The following PTPRK variants were observed in gnomAD, a reference collection of about 807,000 sequenced individuals.
The protein encoded by PTPRK is receptor-type tyrosine-protein phosphatase kappa.
PTPRK carries 75 observed loss-of-function variants against 178.0 expected under a neutral mutation model. The observed-to-expected ratio is 0.42, with a 90% CI of 0.35 to 0.51. PTPRK has a LOEUF of 0.51. PTPRK is among the 20% of genes least tolerant of loss of function. PTPRK has a pLI of 0.02. For missense variants in PTPRK, 1,441 were observed against 1,797.8 expected (o/e 0.80, Z 3.59); for synonymous variants, 637 against 620.6 (o/e 1.03, Z -0.39).
At chr6:128,003,070 A>T in intron 15 of PTPRK, 1 of 857,754 alleles carries the variant, frequency 1.2e-6, no homozygotes, top group Non-Finnish European at 1.9e-6. Context: ...TCTCTTTGAT[A>T]ATACCATGGC....
chr6:128,301,409 G>T (rs979245126), intron 3 of PTPRK, among the ~76,000 whole-genome samples: 58 of 151,794 alleles, frequency 3.8e-4, no homozygotes, highest in African/African-American at 1.4e-3. Flanking sequence ...GTATCACATT[G>T]GTGTGTTGGT....
intron 1 of PTPRK, among the ~76,000 whole-genome samples, chr6:128,440,914 G>T (rs1318542439): frequency 2.0e-5 from 3 of 151,802 alleles, no homozygotes; most frequent in East Asian, 1.9e-4. Flanking sequence ...TAGACATTTT[G>T]AATAAATTCC....
rs756107429 is a variant in PTPRK, at chr6:127,995,507, T to C, written c.2799A>G (p.Val933=). ...TATAATCTGAGGAAGGATCATCCTCTACGGGTTGCAAAATCACTCTGGAGT... is the reference window on the plus strand; with the variant it reads ...TATAATCTGAGGAAGGATCATCCTCCACGGGTTGCAAAATCACTCTGGAGT... ...YDHSRVILQP[V]EDDPSSDYIN... Residue 933 remains valine, a synonymous_variant, in exon 18 of 30, where the codon GTA becomes GTG. Transcript: ENST00000368226. The C allele has an allele frequency of 6.3e-7, 1 of 1,598,724 alleles. No homozygotes were observed. The highest frequency in any genetic ancestry group is 8.5e-7 in the Non-Finnish European group (1 of 1,171,088).
At chr6:128,333,704 T>C (rs1164069499) in intron 2 of PTPRK, among the ~76,000 whole-genome samples, 1 of 152,160 alleles carries the variant, frequency 6.6e-6, no homozygotes, top group African/African-American at 2.4e-5. Context: ...TAAAACTTTC[T>C]CCCTGTCAGC....
chr6:128,100,954 A>G (rs1232063646), intron 7 of PTPRK, among the ~76,000 whole-genome samples: 1 of 152,022 alleles, frequency 6.6e-6, no homozygotes, highest in African/African-American at 2.4e-5. Context: ...AAAATCTACT[A>G]CTATTTTCAA....
chr6:128,299,121 T>C (rs893486466), intron 3 of PTPRK, among the ~76,000 whole-genome samples: 62 of 152,226 alleles, frequency 4.1e-4, no homozygotes, highest in East Asian at 7.7e-4. Context: ...CCAATCACAA[T>C]TGCTTCAAAG....
intron 2 of PTPRK, among the ~76,000 whole-genome samples, chr6:128,338,922 G>A (rs1831305518): frequency 6.6e-6 from 1 of 152,116 alleles, no homozygotes; most frequent in Non-Finnish European, 1.5e-5. Context: ...TAATTTTGTT[G>A]AGACATCCCA....
chr6:128,369,985 T>C (rs1441510099), intron 2 of PTPRK, among the ~76,000 whole-genome samples: 8 of 152,042 alleles, frequency 5.3e-5, no homozygotes, highest in Admixed American at 5.2e-4. Flanking sequence ...TAAATAAACA[T>C]TTGTTAATTT....
In PTPRK at chr6:128,110,780, T is replaced by C. The variant is rs569484755; in HGVS notation, c.1163-20788A>G. ...ATTGAGTGAAAAAATGAGGAATGAA[T>C]GCAAGACTGCCTTGCCAAACTGAAG... On this transcript the variant is annotated intron_variant, in intron 7 of 29. Transcript: ENST00000368226. Among the ~76,000 whole-genome samples the C allele has an allele frequency of 1.4e-3, 217 of 152,254 alleles. 2 individuals are homozygous for C. Among genetic ancestry groups the C allele is most frequent in the African/African-American group, 4.7e-3 (197 of 41,552 alleles).
At position 128,082,517 on chromosome 6, in the gene PTPRK, G is replaced by A. The variant is rs201423083; in HGVS notation, c.1697C>T (p.Thr566Met). ...HVFMHLHPGTTYQFFIRASTV... is the reference protein window; with the variant it reads ...HVFMHLHPGTMYQFFIRASTV... Reference sequence around the variant, plus strand: ...GCTGGCTCTTATGAAAAACTGGTACGTGGTTCCAGGGTGGAGATGCATAAA... The same window carrying A: ...GCTGGCTCTTATGAAAAACTGGTACATGGTTCCAGGGTGGAGATGCATAAA... Residue 566 changes from threonine (T) to methionine (M), a missense_variant, in exon 10 of 30, where the codon ACG becomes ATG. Coordinates refer to ENST00000368226, the MANE Select transcript of PTPRK (RefSeq NM_002844.4). The A allele has an allele frequency of 3.2e-5, 52 of 1,613,234 alleles. No individual in the cohort carries two copies. Among genetic ancestry groups the A allele is most frequent in the Non-Finnish European group, 3.4e-5 (40 of 1,179,346 alleles).
Position 127,970,278 on chromosome 6 carries a change from C to T in PTPRK, c.4272G>A (p.Glu1424=). The change falls in exon 30 of 30, where the codon GAG becomes GAA. Residue 1424 remains glutamate (E), a splice_region_variant and synonymous_variant. Coordinates refer to ENST00000368226, the MANE Select transcript of PTPRK (RefSeq NM_002844.4). ...CTACATCATAGCAGAAACGGTATTG[C>T]TCCTGAAAGATGTCAAAACACAAAG... ...NSKPNMVEAP[E]QYRFCYDVAL... is the part of the protein sequence containing the mutation. 1.2e-6 allele frequency: 2 copies of T among 1,609,880 alleles called. No individual in the cohort carries two copies. The highest frequency in any genetic ancestry group is 1.7e-6 in the Non-Finnish European group (2 of 1,177,536).
intron 3 of PTPRK, among the ~76,000 whole-genome samples, chr6:128,300,051 A>T (rs1825293858): frequency 1.3e-5 from 2 of 152,306 alleles, no homozygotes; most frequent in South Asian, 4.1e-4. Context: ...CCCCAACAAA[A>T]AGTGGGCAAA....
intron 12 of PTPRK, among the ~76,000 whole-genome samples, chr6:128,065,583 G>C (rs989201205): frequency 2.0e-5 from 3 of 152,096 alleles, no homozygotes; most frequent in South Asian, 2.1e-4. Context: ...AACCAGAGGC[G>C]ATCTGTTTGC....
At chr6:128,136,781 GAAAATGCATTC>G (rs1795080993) in intron 7 of PTPRK, among the ~76,000 whole-genome samples, 1 of 152,150 alleles carries the variant, frequency 6.6e-6, no homozygotes, top group African/African-American at 2.4e-5. Context: ...AGCCAACAAA[GAAAATGCATTC>G]TTCACTCTTT....
chr6:128,316,233 G>A (rs571954304), intron 3 of PTPRK, among the ~76,000 whole-genome samples: 18 of 152,268 alleles, frequency 1.2e-4, no homozygotes, highest in Non-Finnish European at 2.4e-4. Context: ...TGCTAGTTGA[G>A]AACATAAGCA....
chr6:128,406,105 A>T (rs896512058), intron 1 of PTPRK, among the ~76,000 whole-genome samples: 82 of 151,414 alleles, frequency 5.4e-4, no homozygotes, highest in African/African-American at 1.9e-3. Context: ...AAAAATAAAT[A>T]AAAAAAAATT....
chr6:128,128,364 T>C (rs1161221339), intron 7 of PTPRK, among the ~76,000 whole-genome samples: 1 of 152,126 alleles, frequency 6.6e-6, no homozygotes, highest in Non-Finnish European at 1.5e-5. Context: ...TATACAAGCA[T>C]AGGCACTGTG....
intron 2 of PTPRK, among the ~76,000 whole-genome samples, chr6:128,333,589 C>CT (rs1246303955): frequency 1.3e-5 from 2 of 152,040 alleles, no homozygotes; most frequent in East Asian, 3.9e-4. Context: ...AAGTCATTAT[C>CT]TTTTTGCTAG....
In PTPRK at chr6:128,354,236, T is replaced by TTTTTTA. The variant is rs1833633066; in HGVS notation, c.224-31927_224-31926insTAAAAA. On this transcript the variant is annotated intron_variant, in intron 2 of 29. Transcript: ENST00000368226. ...TATTTTGGTTTTTTGTTTATGTTTT[T>TTTTTTA]TTTTTTTTTTTTTTTTTTTGAGACT... Among the ~76,000 whole-genome samples, 3 of 82,380 alleles carry TTTTTTA rather than the reference T, an allele frequency of 3.6e-5. 1 individual carries two copies. Among genetic ancestry groups the TTTTTTA allele is most frequent in the Non-Finnish European group, 7.3e-5 (3 of 41,342 alleles). 54.0% of individuals were successfully genotyped at this position (82,380 alleles called of 152,430 possible).
Sources: allele counts gnomAD v4.1 joint callset (sites outside exome capture counted in the v4.1 genomes callset), GRCh38; gene constraint gnomAD v4.1.1; transcripts MANE v1.5; gene names NCBI Gene and HGNC (gene_info 2026-07-23, HGNC 2026-07-21).